Variants in MADCAM1 observed in about 807,000 individuals in gnomAD.
MADCAM1 encodes mucosal vascular addressin cell adhesion molecule 1, also known as mucosal addressin cell adhesion molecule 1.
Under a neutral mutation model 26.1 loss-of-function variants are expected in MADCAM1, and 19 were observed. The ratio of observed to expected loss-of-function variants is 0.73; its 90% confidence interval spans 0.51 to 1.07. The LOEUF (loss-of-function observed/expected upper bound fraction) is 1.07, where lower values mean the gene tolerates loss of function less well. MADCAM1 is among the 50% of genes least tolerant of loss of function. The probability of loss-of-function intolerance (pLI) is 0.00; values close to 1 mark genes in which losing one functional copy is unlikely to be tolerated. For missense variants in MADCAM1, 514 were observed against 542.1 expected (o/e 0.95, Z 0.51); for synonymous variants, 268 against 260.9 (o/e 1.03, Z -0.26).
At chr19:501,421 G>A in intron 3 of MADCAM1, 1 of 373,018 alleles carries the variant, frequency 2.7e-6, no homozygotes, top group Non-Finnish European at 4.7e-6. Flanking sequence ...AGGAGCGGAG[G>A]TTGTGGTGAG....
At position 498,835 on chromosome 19, in the gene MADCAM1, C is replaced by G. The variant is rs561227559; in HGVS notation, c.667+10C>G. ...CGCCAGGCCATCCCCGGTGAGTCCGCTGGGTGCCCTGGAGACCCACCCGCT... is the reference window on the plus strand; with the variant it reads ...CGCCAGGCCATCCCCGGTGAGTCCGGTGGGTGCCCTGGAGACCCACCCGCT... On this transcript the variant is annotated intron_variant, in intron 3 of 4. Transcript: ENST00000215637. 16 of 1,240,204 alleles carry G rather than the reference C, an allele frequency of 1.3e-5. No homozygotes were observed. The African/African-American group carries it at 2.7e-4, about 21-fold the overall frequency. The allele number at this position is 1,240,204 out of a possible 1,614,324, so 76.8% of individuals were successfully genotyped here.
At chr19:497,125 G>A (rs1396343442) in intron 1 of MADCAM1, among the ~76,000 whole-genome samples, 1 of 26,698 alleles carries the variant, frequency 3.7e-5, no homozygotes, top group Non-Finnish European at 8.0e-5. Context: ...TCAGGAGAGA[G>A]AAGGGGCTCA....
chr19:500,052 C>T (rs1297008251), intron 3 of MADCAM1: 9 of 454,984 alleles, frequency 2.0e-5, no homozygotes, highest in African/African-American at 1.4e-4. Flanking sequence ...TTACAGAACA[C>T]GGGCCCTCAC....
rs1978300459 is a variant in MADCAM1 at position 498,764 on chromosome 19, C to T, written c.606C>T (p.Leu202=). ...TGGGGACCCCTGTCCCGCCCGCCCT[C>T]TACTGCCAGGCCACGATGAGGCTGC... ...PPLGTPVPPA[L]YCQATMRLPG... Residue 202 remains leucine, a synonymous_variant, in exon 3 of 5, where the codon CTC becomes CTT. Transcript: ENST00000215637. 3.3e-6 allele frequency: 5 copies of T among 1,500,686 alleles called. No individual in the cohort carries two copies. The highest frequency in any genetic ancestry group is 1.4e-5 in the African/African-American group (1 of 70,528). The allele number at this position is 1,500,686 out of a possible 1,614,324, so 93.0% of individuals were successfully genotyped here.
intron 3 of MADCAM1, chr19:500,131 CCTT>C: frequency 2.2e-6 from 1 of 456,314 alleles, no homozygotes; most frequent in Non-Finnish European, 4.4e-6. Context: ...CCCCCAAGCA[CCTT>C]CTCTCTCCAC....
At position 504,736 on chromosome 19, in the gene MADCAM1, T is replaced by G; in HGVS notation, c.929-9T>G. 1 of 1,591,954 alleles carries G rather than the reference T, an allele frequency of 6.3e-7. No individual in the cohort carries two copies. Among genetic ancestry groups the G allele is most frequent in the Non-Finnish European group, 8.6e-7 (1 of 1,163,204 alleles). On this transcript the variant is annotated splice_polypyrimidine_tract_variant and intron_variant, in intron 4 of 4. Coordinates refer to ENST00000215637, the MANE Select transcript of MADCAM1 (RefSeq NM_130760.3). ...GCTCTGACCGGGGTCTCCTGCACTC[T>G]CTCCCCAGCGTCCAAACCTGCGGGT...
chr19:497,580 CCT>C (rs1260467797), intron 1 of MADCAM1, among the ~76,000 whole-genome samples: 1 of 151,282 alleles, frequency 6.6e-6, no homozygotes, highest in Non-Finnish European at 1.5e-5. Context: ...CGCGCGGCCC[CCT>C]GACCCGCAGC....
chr19:501,189 TA>T lies in MADCAM1; in HGVS notation c.668-469del, dbSNP rs549443982. 3.8e-3 allele frequency among the ~76,000 whole-genome samples: 518 copies of T among 134,960 alleles called. 28 individuals are homozygous for T. In the South Asian group the frequency reaches 0.1, roughly 26 times the overall value. The allele number at this position is 134,960 out of a possible 152,430, so 88.5% of individuals were successfully genotyped here. On this transcript the variant is annotated intron_variant, in intron 3 of 4. Transcript: ENST00000215637. ...GCACGACAGAGTGAGACCCCATCTC[TA>T]AAAAAAAAAACCAGGCCGGGCGTGG...
Position 504,739 on chromosome 19 carries a change from C to T in MADCAM1, c.929-6C>T. The T allele has an allele frequency of 6.3e-7, 1 of 1,594,790 alleles. No homozygotes were observed. The highest frequency in any genetic ancestry group is 8.6e-7 in the Non-Finnish European group (1 of 1,165,538). On this transcript the variant is annotated splice_polypyrimidine_tract_variant and splice_region_variant and intron_variant, in intron 4 of 4. Coordinates refer to ENST00000215637, the MANE Select transcript of MADCAM1 (RefSeq NM_130760.3). The stretch of plus-strand genomic sequence containing the variant: ...CTGACCGGGGTCTCCTGCACTCTCT[C>T]CCCAGCGTCCAAACCTGCGGGTGAC...
chr19:502,464 G>A (rs1473310010), intron 4 of MADCAM1, among the ~76,000 whole-genome samples: 1 of 151,930 alleles, frequency 6.6e-6, no homozygotes, highest in East Asian at 1.9e-4. Flanking sequence ...ACCACTCCCG[G>A]CTAATTTTTG....
At chr19:499,391 CAT>C (rs1978306036) in intron 3 of MADCAM1, 1 of 455,880 alleles carries the variant, frequency 2.2e-6, no homozygotes, top group Admixed American at 2.4e-5. Context: ...CGTGTACAAA[CAT>C]AGGCACACAA....
At chr19:499,002 C>G (rs995865789) in intron 3 of MADCAM1, 177 bp downstream of exon 3, 4 of 984,842 alleles carry the variant, frequency 4.1e-6, no homozygotes, top group African/African-American at 3.2e-5. Context: ...GAGCACCTGC[C>G]CCCCAGCACA....
Position 498,522 on chromosome 19 carries a change from C to T in MADCAM1, c.364C>T (p.Pro122Ser). The change falls in exon 3 of 5, where the codon CCA (proline) becomes TCA (serine). Residue 122 changes from proline to serine, a missense_variant. Pro to Ser is a moderately conservative substitution (Grantham distance 74, BLOSUM62 -1). Coordinates refer to ENST00000215637, the MANE Select transcript of MADCAM1 (RefSeq NM_130760.3). ...CTTCCCGGACCAGCTGACCGTCTCC[C>T]CAGCAGCCCTGGTGCCTGGTGACCC... ...YAFPDQLTVS[P>S]AALVPGDPEV... The T allele has an allele frequency of 6.8e-7, 1 of 1,469,414 alleles. No homozygotes were observed. Among genetic ancestry groups the T allele is most frequent in the Non-Finnish European group, 9.0e-7 (1 of 1,115,634 alleles). The allele number at this position is 1,469,414 out of a possible 1,614,324, so 91.0% of individuals were successfully genotyped here. A position where few individuals can be genotyped will look rare whatever the true frequency, so the allele number is the denominator to read the frequency against.
chr19:502,798 T>G (rs1978407056), intron 4 of MADCAM1, among the ~76,000 whole-genome samples: 1 of 152,242 alleles, frequency 6.6e-6, no homozygotes, highest in Admixed American at 6.5e-5. Flanking sequence ...TCGCCCTTAC[T>G]GCTGTGTCCT....
intron 3 of MADCAM1, chr19:499,353 G>A (rs1353997705): frequency 2.2e-6 from 1 of 456,636 alleles, no homozygotes; most frequent in African/African-American, 2.0e-5. Context: ...CTGGATTCCC[G>A]TTTAAAGGGT....
intron 3 of MADCAM1, chr19:499,419 AAC>A (rs1035036587): frequency 1.7e-4 from 73 of 441,748 alleles, no homozygotes; most frequent in Admixed American, 4.1e-4. Flanking sequence ...CACATGTACA[AAC>A]ACAGACACAC....
At chr19:502,324 CAG>C (rs1954849055) in intron 4 of MADCAM1, among the ~76,000 whole-genome samples, 1 of 150,940 alleles carries the variant, frequency 6.6e-6, no homozygotes, top group African/African-American at 2.4e-5. Flanking sequence ...TTTTGTGAGA[CAG>C]AGTCTCGCTC....
At position 501,818 on chromosome 19, in the gene MADCAM1, G is replaced by A. The variant is rs773269857; in HGVS notation, c.817G>A (p.Ala273Thr). Residue 273 changes from alanine (A) to threonine (T), a missense_variant, in exon 4 of 5, where the codon GCC becomes ACC. Coordinates refer to ENST00000215637, the MANE Select transcript of MADCAM1 (RefSeq NM_130760.3). ...EPPDKTSPEP[A>T]PQQGSTHTPR... ...TCCCGACAAGACCTCCCCGGAGCCC[G>A]CCCCCCAGCAGGGCTCCACACACAC... 20 of 1,222,838 alleles carry A rather than the reference G, an allele frequency of 1.6e-5. No homozygotes were observed. The highest frequency in any genetic ancestry group is 7.4e-5 in the African/African-American group (3 of 40,758). The allele number at this position is 1,222,838 out of a possible 1,614,324, so 75.7% of individuals were successfully genotyped here.
chr19:500,666 C>G (rs552598093), intron 3 of MADCAM1, among the ~76,000 whole-genome samples: 1 of 152,034 alleles, frequency 6.6e-6, no homozygotes, highest in African/African-American at 2.4e-5. Context: ...ATTAGGAGAT[C>G]GAGACTAGCC....
Sources: allele counts gnomAD v4.1 joint callset (sites outside exome capture counted in the v4.1 genomes callset), GRCh38; gene constraint gnomAD v4.1.1; transcripts MANE v1.5; gene names NCBI Gene and HGNC (gene_info 2026-07-23, HGNC 2026-07-21).